Variants in LRCH2 observed in about 807,000 individuals in gnomAD.
The protein encoded by LRCH2 is leucine rich repeats and calponin homology domain containing 2.
In LRCH2, 38 loss-of-function variants were observed where a neutral mutation model predicts 68.9. The observed-to-expected ratio is 0.55, with a 90% CI of 0.43 to 0.72. LRCH2 has a LOEUF of 0.72. Ranked by LOEUF, LRCH2 falls within the 30% of genes least tolerant of loss-of-function variation. The probability of loss-of-function intolerance (pLI) is 0.00; values close to 1 mark genes in which losing one functional copy is unlikely to be tolerated. For missense variants in LRCH2, 528 were observed against 572.9 expected (o/e 0.92, Z 0.80); for synonymous variants, 191 against 208.1 (o/e 0.92, Z 0.71).
chrX:115,124,053 C>T, intron 16 of LRCH2, 51 bp from the exon 17 acceptor site: 1 of 733,751 alleles, frequency 1.4e-6, no homozygotes, highest in Non-Finnish European at 1.9e-6. Flanking sequence ...AACTTCTTTT[C>T]TTTCAAAATA....
chrX:115,163,822 G>A, intron 10 of LRCH2, 39 bp from the exon 11 acceptor site: 1 of 989,301 alleles, frequency 1.0e-6, no homozygotes, highest in Non-Finnish European at 1.4e-6. Context: ...AAAAAGTAAG[G>A]CAGACTACAT....
At chrX:115,230,289 T>C (rs1425218358) in intron 1 of LRCH2, among the ~76,000 whole-genome samples, 1 of 110,966 alleles carries the variant, frequency 9.0e-6, no homozygotes, top group African/African-American at 3.3e-5. Context: ...GGGTGAAAAT[T>C]TTAATCAAGG....
In LRCH2 at chrX:115,166,697, T is replaced by TAACTTC. The variant is rs782707090; in HGVS notation, c.999-361_999-356dup. ...CATCACAGAGCTTCGAAACATCTTT[T>TAACTTC]AACTTCAATTTATATGCTTTACTCT... On this transcript the variant is annotated intron_variant, in intron 6 of 20. Coordinates refer to ENST00000317135, the MANE Select transcript of LRCH2 (RefSeq NM_020871.4). Among the ~76,000 whole-genome samples, 90 of 111,263 alleles carry TAACTTC rather than the reference T, an allele frequency of 8.1e-4. 1 individual carries two copies. In the Admixed American group the frequency reaches 8.7e-3, roughly 11 times the overall value.
At chrX:115,180,567 T>C (rs1556552157) in intron 3 of LRCH2, among the ~76,000 whole-genome samples, 1 of 111,612 alleles carries the variant, frequency 9.0e-6, no homozygotes, top group African/African-American at 3.3e-5. Flanking sequence ...CAGACAGTAA[T>C]CATTCCAGAC....
At chrX:115,140,338 G>A (rs2072325704) in intron 14 of LRCH2, among the ~76,000 whole-genome samples, 1 of 111,776 alleles carries the variant, frequency 8.9e-6, no homozygotes, top group African/African-American at 3.3e-5. Flanking sequence ...AGAGCCCTTG[G>A]GCCCTGAATA....
At chrX:115,145,330 A>G (rs1031336942) in intron 14 of LRCH2, among the ~76,000 whole-genome samples, 1 of 111,766 alleles carries the variant, frequency 8.9e-6, no homozygotes. Flanking sequence ...TAAGACTTCA[A>G]TCTATAAAAC....
chrX:115,201,298 G>T (rs1569516612), intron 1 of LRCH2, among the ~76,000 whole-genome samples: 1 of 111,772 alleles, frequency 8.9e-6, no homozygotes. Context: ...TGGGGACACA[G>T]AGCCAAACCA....
chrX:115,224,491 T>C (rs1329866084), intron 1 of LRCH2, among the ~76,000 whole-genome samples: 3 of 110,003 alleles, frequency 2.7e-5, no homozygotes, highest in Admixed American at 9.7e-5. Flanking sequence ...AAGACCAGCC[T>C]GGGCAACATG....
intron 14 of LRCH2, among the ~76,000 whole-genome samples, chrX:115,149,252 A>G (rs185563602): frequency 2.2e-4 from 24 of 111,550 alleles, no homozygotes; most frequent in Non-Finnish European, 9.4e-5. Flanking sequence ...CAAATAGACA[A>G]TAATACAATA....
At chrX:115,174,862 GAATGACTGGT>G (rs1556549542) in intron 5 of LRCH2, among the ~76,000 whole-genome samples, 2 of 111,513 alleles carry the variant, frequency 1.8e-5, no homozygotes, top group Non-Finnish European at 3.8e-5. Context: ...GCATGCTAAT[GAATGACTGGT>G]GGCTGGGAGC....
In LRCH2 at chrX:115,123,212, C is replaced by T. The variant is rs1556526619; in HGVS notation, c.1850-20G>A. The T allele has an allele frequency of 4.3e-6, 5 of 1,157,260 alleles. No individual in the cohort carries two copies. On this transcript the variant is annotated intron_variant, in intron 17 of 20. Transcript: ENST00000317135. ...TAAAAGCTATAAAAACAGAAATTTC[C>T]TAACTTGTTACAAAGTTAATGGGAA...
intron 17 of LRCH2, among the ~76,000 whole-genome samples, 159 bp downstream of exon 17, chrX:115,123,786 G>C (rs1202194751): frequency 9.0e-6 from 1 of 111,263 alleles, no homozygotes; most frequent in African/African-American, 3.3e-5. Flanking sequence ...AAAGAAATGG[G>C]AATGGGAATT....
chrX:115,159,683 G>T (rs940570101), intron 11 of LRCH2, among the ~76,000 whole-genome samples: 1 of 106,908 alleles, frequency 9.4e-6, no homozygotes, highest in Non-Finnish European at 1.9e-5. Context: ...CCCAGGAGGC[G>T]GAGCTTGCAG....
At chrX:115,198,652 A>G (rs1466381153) in intron 1 of LRCH2, 4 of 156,962 alleles carry the variant, frequency 2.5e-5, no homozygotes, top group Admixed American at 1.3e-4. Flanking sequence ...AAGTTCATCA[A>G]GAAAAGGGTG....
chrX:115,212,634 G>T lies in LRCH2; in HGVS notation c.349+21059C>A, dbSNP rs75914906. ...ATTGCCTCAGCCTCCTAAGTAGCTG[G>T]GACTACAAGCATGCACCACCAAGCT... On this transcript the variant is annotated intron_variant, in intron 1 of 20. Coordinates refer to ENST00000317135, the MANE Select transcript of LRCH2 (RefSeq NM_020871.4). Among the ~76,000 whole-genome samples, 1,059 of 109,497 alleles carry T rather than the reference G, an allele frequency of 9.7e-3. 19 individuals carry two copies. The highest frequency in any genetic ancestry group is 0.033 in the African/African-American group (1,003 of 30,096).
chrX:115,113,401 T>C lies in LRCH2; in HGVS notation c.2179-66A>G, dbSNP rs935422877. 205 of 923,903 alleles carry C rather than the reference T, an allele frequency of 2.2e-4. 1 individual carries two copies. Among genetic ancestry groups the C allele is most frequent in the Non-Finnish European group, 2.9e-4 (201 of 690,135 alleles). The allele number at this position is 923,903 out of a possible 1,213,427, so 76.1% of individuals were successfully genotyped here. ...AAGTGTAATAAAATTAAGTCAGAATTTGATTTTAAAAACATGATTTCTATA... is the reference window on the plus strand; with the variant it reads ...AAGTGTAATAAAATTAAGTCAGAATCTGATTTTAAAAACATGATTTCTATA... On this transcript the variant is annotated intron_variant, in intron 20 of 20. Transcript: ENST00000317135.
chrX:115,209,023 TTAGAG>T (rs782508540), intron 1 of LRCH2, among the ~76,000 whole-genome samples: 77 of 112,159 alleles, frequency 6.9e-4, no homozygotes, highest in African/African-American at 2.4e-3. Flanking sequence ...ATCTTCATCA[TTAGAG>T]TAATCACCAT....
chrX:115,216,006 T>G lies in LRCH2; in HGVS notation c.349+17687A>C, dbSNP rs1332716288. ...ATAGCAATTTTTGATTGAAACCTAATAGAGATATGTAAAAAATATGCATAT... is the reference window on the plus strand; with the variant it reads ...ATAGCAATTTTTGATTGAAACCTAAGAGAGATATGTAAAAAATATGCATAT... On this transcript the variant is annotated intron_variant, in intron 1 of 20. Coordinates refer to ENST00000317135, the MANE Select transcript of LRCH2 (RefSeq NM_020871.4). Among the ~76,000 whole-genome samples, 4 of 110,969 alleles carry G rather than the reference T, an allele frequency of 3.6e-5. No homozygotes were observed. In the Admixed American group the frequency reaches 3.9e-4, roughly 11 times the overall value.
chrX:115,165,488 T>C, intron 9 of LRCH2, 25 bp from the exon 10 acceptor site: 4 of 1,086,700 alleles, frequency 3.7e-6, no homozygotes, highest in Non-Finnish European at 4.9e-6. Flanking sequence ...AGTTACATTT[T>C]AAATTGTATA....
Sources: gnomAD v4.1 joint callset for allele counts (sites outside exome capture counted in the v4.1 genomes callset) on GRCh38, gnomAD v4.1.1 for gene constraint, MANE v1.5 for transcripts, NCBI Gene and HGNC (gene_info 2026-07-23, HGNC 2026-07-21) for gene names.